RPS6KA6: variants seen among roughly 807,000 people sequenced by gnomAD.
RPS6KA6 encodes ribosomal protein S6 kinase alpha-6.
A neutral mutation model predicts 65.4 loss-of-function variants in RPS6KA6; 27 were observed. The observed-to-expected ratio is 0.41, with a 90% CI of 0.30 to 0.57. The LOEUF is 0.57. RPS6KA6 is among the 20% of genes least tolerant of loss of function. The probability of loss-of-function intolerance (pLI) is 0.24; values close to 1 mark genes in which losing one functional copy is unlikely to be tolerated. For missense variants in RPS6KA6, 486 were observed against 555.6 expected (o/e 0.87, Z 1.26); for synonymous variants, 190 against 184.2 (o/e 1.03, Z -0.26).
rs1322315065 is a variant in RPS6KA6, at chrX:84,140,247, G to A, written c.502-5037C>T. On this transcript the variant is annotated intron_variant, in intron 6 of 21. Transcript: ENST00000262752. The stretch of plus-strand genomic sequence containing the variant: ...AGGACATCAGATAAAGTAATCAGAA[G>A]GATTTTGCTTCAGTAGTGGAGCAAA... 3.6e-5 allele frequency among the ~76,000 whole-genome samples: 4 copies of A among 111,174 alleles called. No individual in the cohort carries two copies. In the East Asian group the frequency reaches 8.5e-4, roughly 24 times the overall value.
At chrX:84,069,549 C>T (rs1170387927) in intron 20 of RPS6KA6, among the ~76,000 whole-genome samples, 1 of 111,862 alleles carries the variant, frequency 8.9e-6, no homozygotes, top group Admixed American at 9.5e-5. Context: ...GCAACAGAAG[C>T]CAAATTGGAC....
chrX:84,129,713 G>A (rs1254349934), intron 8 of RPS6KA6, among the ~76,000 whole-genome samples: 1 of 111,199 alleles, frequency 9.0e-6, no homozygotes, highest in Non-Finnish European at 1.9e-5. Context: ...TGGAACTGGA[G>A]GTCACTGTGT....
intron 9 of RPS6KA6, among the ~76,000 whole-genome samples, chrX:84,118,817 C>T (rs928890856): frequency 1.8e-5 from 2 of 111,720 alleles, no homozygotes; most frequent in East Asian, 2.8e-4. Context: ...AATCCACTTA[C>T]AAGGCTAATC....
Position 84,074,869 on chromosome X carries a change from C to G in RPS6KA6, c.1972-9758G>C, listed in dbSNP as rs558861194. On this transcript the variant is annotated intron_variant, in intron 20 of 21. Transcript: ENST00000262752. ...TGACACAGATGTCAGAATTAGCAGA[C>G]AAGGATGTTAAATAGTTATTATAAT... 2.7e-5 allele frequency among the ~76,000 whole-genome samples: 3 copies of G among 111,307 alleles called. No homozygotes were observed. In the East Asian group the frequency reaches 8.4e-4, roughly 31 times the overall value.
chrX:84,109,012 C>T (rs2034417387), intron 12 of RPS6KA6, among the ~76,000 whole-genome samples: 1 of 111,829 alleles, frequency 8.9e-6, no homozygotes, highest in South Asian at 3.7e-4. Context: ...CCCCCAGAGG[C>T]TCGTGACCCG....
chrX:84,121,482 T>G (rs1243090064), intron 8 of RPS6KA6, among the ~76,000 whole-genome samples: 2 of 112,403 alleles, frequency 1.8e-5, no homozygotes, highest in Admixed American at 9.5e-5. Context: ...TTTTCTTTTG[T>G]GTATCACTGA....
chrX:84,166,197 G>A (rs970072307), intron 1 of RPS6KA6, among the ~76,000 whole-genome samples: 2 of 111,814 alleles, frequency 1.8e-5, no homozygotes, highest in Non-Finnish European at 3.8e-5. Context: ...TATCCAGAGA[G>A]GACAAGACAT....
intron 8 of RPS6KA6, among the ~76,000 whole-genome samples, chrX:84,125,999 C>T (rs1296657267): frequency 3.6e-5 from 4 of 110,877 alleles, no homozygotes; most frequent in African/African-American, 1.3e-4. Flanking sequence ...GAGTAAGTCC[C>T]GATTTATTAA....
At chrX:84,115,255 T>TAAAC (rs771330654) in intron 12 of RPS6KA6, among the ~76,000 whole-genome samples, 2 of 110,335 alleles carry the variant, frequency 1.8e-5, no homozygotes, top group South Asian at 3.8e-4. Flanking sequence ...ACTCAACAGG[T>TAAAC]AAACAAACAA....
rs1051040416 is a variant in RPS6KA6 at position 84,111,529 on chromosome X, A to T, written c.1009-3804T>A. 2.7e-5 allele frequency among the ~76,000 whole-genome samples: 3 copies of T among 111,982 alleles called. No homozygotes were observed. The Admixed American group carries it at 2.8e-4, about 11-fold the overall frequency. On this transcript the variant is annotated intron_variant, in intron 12 of 21. Transcript: ENST00000262752. ...TTTAACAAGCCAGAAGAGAATGGGG[A>T]CCTAATTTTAGCTTCCTTTAAAAAG...
intron 8 of RPS6KA6, among the ~76,000 whole-genome samples, chrX:84,121,533 A>C (rs759480260): frequency 8.9e-6 from 1 of 112,136 alleles, no homozygotes; most frequent in Non-Finnish European, 1.9e-5. Flanking sequence ...CCTTTTCCCC[A>C]TAAGTTCTGT....
At chrX:84,179,730 G>T (rs1314867815) in intron 1 of RPS6KA6, among the ~76,000 whole-genome samples, 1 of 111,306 alleles carries the variant, frequency 9.0e-6, no homozygotes, top group African/African-American at 3.3e-5. Context: ...AAGGTCTAGA[G>T]TTACTCTTCT....
intron 6 of RPS6KA6, among the ~76,000 whole-genome samples, chrX:84,135,577 C>A (rs1473054989): frequency 9.0e-6 from 1 of 111,219 alleles, no homozygotes; most frequent in African/African-American, 3.3e-5. Context: ...AATATAGTAA[C>A]CCTTAGGGTA....
chrX:84,160,227 A>C (rs1012109493), intron 2 of RPS6KA6, among the ~76,000 whole-genome samples: 2 of 111,518 alleles, frequency 1.8e-5, no homozygotes, highest in Non-Finnish European at 3.8e-5. Context: ...ACCATAAAGT[A>C]ATCAGTGATA....
In RPS6KA6 at chrX:84,135,286, G is replaced by T. The variant is rs1032813143; in HGVS notation, c.502-76C>A. The T allele has an allele frequency of 4.1e-5, 26 of 634,080 alleles. No homozygotes were observed. In the African/African-American group the frequency reaches 5.9e-4, roughly 14 times the overall value. 52.3% of individuals were successfully genotyped at this position (634,080 alleles called of 1,213,427 possible). A position where few individuals can be genotyped will look rare whatever the true frequency, so the allele number is the denominator to read the frequency against. ...TATTTAAAAATACTTCTTTCAAAAT[G>T]AGTAGACAGACAAATCTAGGAAAAT... On this transcript the variant is annotated intron_variant, in intron 6 of 21. Coordinates refer to ENST00000262752, the MANE Select transcript of RPS6KA6 (RefSeq NM_014496.5).
At chrX:84,112,481 C>T (rs2034486504) in intron 12 of RPS6KA6, among the ~76,000 whole-genome samples, 1 of 111,705 alleles carries the variant, frequency 9.0e-6, no homozygotes, top group African/African-American at 3.3e-5. Context: ...CCTATTGGAC[C>T]ACAGTAGAAT....
intron 1 of RPS6KA6, among the ~76,000 whole-genome samples, chrX:84,184,246 G>A (rs1269796713): frequency 8.9e-6 from 1 of 112,297 alleles, no homozygotes; most frequent in Non-Finnish European, 1.9e-5. Flanking sequence ...GGGGTCTTAA[G>A]AAAAACTGCT....
intron 6 of RPS6KA6, among the ~76,000 whole-genome samples, chrX:84,144,884 C>T (rs1160421406): frequency 1.8e-5 from 2 of 110,412 alleles, no homozygotes; most frequent in Non-Finnish European, 3.8e-5. Context: ...ATAGATGAAT[C>T]TCAAAGTACT....
intron 20 of RPS6KA6, among the ~76,000 whole-genome samples, chrX:84,087,557 A>T (rs988491294): frequency 9.0e-6 from 1 of 111,107 alleles, no homozygotes; most frequent in African/African-American, 3.3e-5. Context: ...TTTGTAGGTG[A>T]CCTGGCCTTT....
Sources: gnomAD v4.1 joint callset for allele counts (sites outside exome capture counted in the v4.1 genomes callset) on GRCh38, gnomAD v4.1.1 for gene constraint, MANE v1.5 for transcripts, NCBI Gene and HGNC (gene_info 2026-07-23, HGNC 2026-07-21) for gene names.